The following GRIN2B variants were observed in gnomAD, a reference collection of about 807,000 sequenced individuals.
The protein encoded by GRIN2B is glutamate ionotropic receptor NMDA type subunit 2B, also known as glutamate receptor ionotropic, NMDA 2B.
In GRIN2B, 5 loss-of-function variants were observed where a neutral mutation model predicts 114.5. The ratio of observed to expected loss-of-function variants is 0.04; its 90% confidence interval spans 0.02 to 0.09. GRIN2B has a LOEUF of 0.09. GRIN2B is among the 10% of genes least tolerant of loss of function. GRIN2B has a pLI of 1.00. For missense variants in GRIN2B, 1,108 were observed against 1,943.5 expected (o/e 0.57, Z 8.08); for synonymous variants, 787 against 745.1 (o/e 1.06, Z -0.92).
At chr12:13,589,842 C>T (rs1228922900) in intron 10 of GRIN2B, among the ~76,000 whole-genome samples, 2 of 152,102 alleles carry the variant, frequency 1.3e-5, no homozygotes, top group African/African-American at 4.8e-5. Context: ...GAACTAAAAC[C>T]ACTGGGACTC....
chr12:13,959,393 C>T (rs1345964159), intron 2 of GRIN2B, among the ~76,000 whole-genome samples: 1 of 152,136 alleles, frequency 6.6e-6, no homozygotes. Flanking sequence ...GGGGAATTTC[C>T]TTTTGCTAAT....
intron 10 of GRIN2B, among the ~76,000 whole-genome samples, chr12:13,600,944 T>A (rs1949149145): frequency 1.3e-5 from 2 of 152,194 alleles, no homozygotes; most frequent in Admixed American, 6.5e-5. Context: ...ATAAAGCATG[T>A]CTCTGCAAAG....
chr12:13,739,411 G>GAAAA (rs1491389331), intron 4 of GRIN2B, among the ~76,000 whole-genome samples: 2,366 of 96,450 alleles, frequency 0.025, 38 homozygotes, highest in Middle Eastern at 0.051. Flanking sequence ...AAGAAGAAAA[G>GAAAA]GAAAAAAAAA....
chr12:13,563,984 T>A lies in GRIN2B; in HGVS notation c.3254A>T (p.Tyr1085Phe). Residue 1085 changes from tyrosine to phenylalanine, a missense_variant, in exon 14 of 14, where the codon TAT becomes TTT. By Grantham distance (22) the Tyr-to-Phe change is conservative (BLOSUM62 3). Around this residue, in one of 19 missense-constraint regions of GRIN2B, gnomAD observed 19 missense variants for 62.0 expected, o/e 0.31. Transcript: ENST00000609686. ...GNAAKRRKQQ[Y>F]KDSLKKRPAS... is the part of the protein sequence containing the mutation. ...AGGCCGCTTCTTCAGGCTGTCCTTA[T>A]ATTGCTGCTTACGCCTCTTGGCGGC... 6.2e-7 allele frequency: 1 copy of A among 1,614,224 alleles called. No individual in the cohort carries two copies. The highest frequency in any genetic ancestry group is 8.5e-7 in the Non-Finnish European group (1 of 1,180,022).
intron 10 of GRIN2B, among the ~76,000 whole-genome samples, chr12:13,582,994 G>A (rs1948872586): frequency 6.6e-6 from 1 of 152,170 alleles, no homozygotes; most frequent in African/African-American, 2.4e-5. Flanking sequence ...TTAGCTAGCT[G>A]AGGCTTGGTC....
chr12:13,706,636 C>A (rs1950362108), intron 4 of GRIN2B, among the ~76,000 whole-genome samples: 1 of 152,118 alleles, frequency 6.6e-6, no homozygotes, highest in Non-Finnish European at 1.5e-5. Flanking sequence ...CTCCCCATGT[C>A]TGACCATCAA....
At chr12:13,706,958 CT>C (rs1157512523) in intron 4 of GRIN2B, among the ~76,000 whole-genome samples, 1 of 152,122 alleles carries the variant, frequency 6.6e-6, no homozygotes, top group Non-Finnish European at 1.5e-5. Flanking sequence ...GTAAAAATCT[CT>C]TTGCCCAAGC....
chr12:13,958,028 A>G (rs1293020458), intron 2 of GRIN2B, among the ~76,000 whole-genome samples: 1 of 152,184 alleles, frequency 6.6e-6, no homozygotes, highest in Non-Finnish European at 1.5e-5. Context: ...ATCACATTGG[A>G]CAGTAAAGTT....
At chr12:13,601,395 C>A (rs1565470685) in intron 10 of GRIN2B, among the ~76,000 whole-genome samples, 2 of 152,160 alleles carry the variant, frequency 1.3e-5, no homozygotes, top group African/African-American at 2.4e-5. Context: ...GTTTTCTCCC[C>A]TTCTGTGTCA....
Position 13,831,243 on chromosome 12 carries a change from A to G in GRIN2B, c.411+34555T>C, listed in dbSNP as rs114014956. Among the ~76,000 whole-genome samples the G allele has an allele frequency of 4.9e-3, 748 of 152,282 alleles. 10 individuals are homozygous for G. The highest frequency in any genetic ancestry group is 0.017 in the African/African-American group (716 of 41,558). Reference sequence around the variant, plus strand: ...AGCCTGCAGAAGTGTAAGCCAAATAATCCTCTTTTCTTTATAAATTACTTA... The same window carrying G: ...AGCCTGCAGAAGTGTAAGCCAAATAGTCCTCTTTTCTTTATAAATTACTTA... On this transcript the variant is annotated intron_variant, in intron 3 of 13. Coordinates refer to ENST00000609686, the MANE Select transcript of GRIN2B (RefSeq NM_000834.5).
chr12:13,962,396 C>T (rs1354472727), intron 2 of GRIN2B, among the ~76,000 whole-genome samples: 1 of 152,202 alleles, frequency 6.6e-6, no homozygotes, highest in East Asian at 1.9e-4. Context: ...ATATATCCAC[C>T]AGCCTGCAGT....
chr12:13,717,074 T>C (rs867570485), intron 4 of GRIN2B, among the ~76,000 whole-genome samples: 2,196 of 129,062 alleles, frequency 0.017, 23 homozygotes, highest in African/African-American at 0.056. Flanking sequence ...CGCGTGTGTG[T>C]GTGTGTGTGT....
rs1181049405 is a variant in GRIN2B, at chr12:13,551,743, T to C, written c.*11040A>G. 1 of 152,152 alleles carries C rather than the reference T, an allele frequency of 6.6e-6. No individual in the cohort carries two copies. The highest frequency in any genetic ancestry group is 1.5e-5 in the Non-Finnish European group (1 of 68,016). 9.4% of individuals were successfully genotyped at this position (152,152 alleles called of 1,614,324 possible). A position where few individuals can be genotyped will look rare whatever the true frequency, so the allele number is the denominator to read the frequency against. On this transcript the variant is annotated 3_prime_UTR_variant, in exon 14 of 14. Transcript: ENST00000609686. ...TGTAGTTGTGCTGTTCAGGTGAATATCTGAGAGCAAAGTATAAACTACTGA... is the reference window on the plus strand; with the variant it reads ...TGTAGTTGTGCTGTTCAGGTGAATACCTGAGAGCAAAGTATAAACTACTGA...
chr12:13,779,425 G>T (rs1043640741), intron 3 of GRIN2B, among the ~76,000 whole-genome samples: 17 of 152,096 alleles, frequency 1.1e-4, no homozygotes, highest in African/African-American at 4.1e-4. Flanking sequence ...TAAGAATTAA[G>T]CTCTAGAATG....
intron 4 of GRIN2B, among the ~76,000 whole-genome samples, chr12:13,688,637 T>C (rs895244874): frequency 6.6e-6 from 1 of 152,200 alleles, no homozygotes; most frequent in Non-Finnish European, 1.5e-5. Flanking sequence ...AGGAAGTCAG[T>C]TATGAAAGTC....
intron 4 of GRIN2B, among the ~76,000 whole-genome samples, chr12:13,728,161 A>G (rs1250853557): frequency 6.6e-6 from 1 of 152,156 alleles, no homozygotes; most frequent in Non-Finnish European, 1.5e-5. Flanking sequence ...ATAATGAATG[A>G]ATGCACGATT....
chr12:13,857,315 C>T (rs1463932189), intron 3 of GRIN2B, among the ~76,000 whole-genome samples: 1 of 152,050 alleles, frequency 6.6e-6, no homozygotes, highest in Non-Finnish European at 1.5e-5. Flanking sequence ...ACATATATTA[C>T]AGGCCACTTA....
chr12:13,950,136 C>T (rs897032121), intron 2 of GRIN2B, among the ~76,000 whole-genome samples: 11 of 152,074 alleles, frequency 7.2e-5, no homozygotes, highest in East Asian at 1.9e-4. Flanking sequence ...TGGTTTTATA[C>T]GCAGAGGGAA....
intron 4 of GRIN2B, among the ~76,000 whole-genome samples, chr12:13,684,804 A>G (rs908115496): frequency 7.9e-5 from 12 of 152,174 alleles, no homozygotes; most frequent in Admixed American, 3.9e-4. Context: ...CTTCCCAGAG[A>G]AAATACCAAG....
Sources: allele counts gnomAD v4.1 joint callset (sites outside exome capture counted in the v4.1 genomes callset), GRCh38; gene constraint gnomAD v4.1.1; regional missense constraint gnomAD v4.1.1; transcripts MANE v1.5; gene names NCBI Gene and HGNC (gene_info 2026-07-23, HGNC 2026-07-21).